UBP1: variants seen among roughly 807,000 people sequenced by gnomAD.
The protein encoded by UBP1 is upstream-binding protein 1.
Under a neutral mutation model 76.1 loss-of-function variants are expected in UBP1, and 22 were observed. The ratio of observed to expected loss-of-function variants is 0.29; its 90% confidence interval spans 0.21 to 0.41. The LOEUF is 0.41. Ranked by LOEUF, UBP1 falls within the 10% of genes least tolerant of loss-of-function variation. UBP1 has a pLI of 1.00. For missense variants in UBP1, 436 were observed against 668.1 expected, an observed-to-expected ratio of 0.65 and a Z score of 3.83; for synonymous variants, 224 against 237.1, an observed-to-expected ratio of 0.94 and a Z score of 0.51.
At chr3:33,429,908 C>A (rs1299283206) in intron 1 of UBP1, among the ~76,000 whole-genome samples, 2 of 151,900 alleles carry the variant, frequency 1.3e-5, no homozygotes, top group South Asian at 2.1e-4. Context: ...TACTGATTTT[C>A]AAAAACAGTG....
At chr3:33,415,778 A>C (rs571368803) in intron 3 of UBP1, among the ~76,000 whole-genome samples, 2 of 152,138 alleles carry the variant, frequency 1.3e-5, no homozygotes, top group East Asian at 1.9e-4. Flanking sequence ...AGAACAAAGA[A>C]AGACAAAAAC....
chr3:33,403,283 G>T (rs966921581), intron 8 of UBP1: 1 of 242,110 alleles, frequency 4.1e-6, no homozygotes, highest in Admixed American at 5.3e-5. Context: ...GACAAGAAAG[G>T]ATTTATAAGC....
rs574029826 is a variant in UBP1, at chr3:33,390,089, C to G, written c.*242G>C. ...GAGCAGCAGGCAGCTATGCCTGCACCGTGGCCTCCAGAGCTGGATGCATGC... is the reference window on the plus strand; with the variant it reads ...GAGCAGCAGGCAGCTATGCCTGCACGGTGGCCTCCAGAGCTGGATGCATGC... On this transcript the variant is annotated 3_prime_UTR_variant, in exon 16 of 16. Coordinates refer to ENST00000283629, the MANE Select transcript of UBP1 (RefSeq NM_014517.5). 175 of 471,650 alleles carry G rather than the reference C, an allele frequency of 3.7e-4. No individual in the cohort carries two copies. The highest frequency in any genetic ancestry group is 5.9e-4 in the Non-Finnish European group (156 of 263,084). 29.2% of individuals were successfully genotyped at this position (471,650 alleles called of 1,614,324 possible). A position where few individuals can be genotyped will look rare whatever the true frequency, so the allele number is the denominator to read the frequency against.
intron 1 of UBP1, among the ~76,000 whole-genome samples, chr3:33,433,349 C>G (rs2045146140): frequency 6.9e-6 from 1 of 144,056 alleles, no homozygotes. Flanking sequence ...GTGTGAGCCA[C>G]CGCGCACCCA....
Position 33,409,564 on chromosome 3 carries a change from T to C in UBP1, c.593A>G (p.His198Arg). The C allele has an allele frequency of 6.2e-7, 1 of 1,614,220 alleles. No homozygotes were observed. The highest frequency in any genetic ancestry group is 8.5e-7 in the Non-Finnish European group (1 of 1,180,038). Residue 198 changes from histidine to arginine, a missense_variant, in exon 6 of 16, where the codon CAC becomes CGC. This residue lies in a region of UBP1 where 65 missense variants were observed against 157.4 expected (regional missense o/e 0.41). Coordinates refer to ENST00000283629, the MANE Select transcript of UBP1 (RefSeq NM_014517.5). ...CISTEFTPRK[H>R]GGEKGVPFRI... ...AAAGGGCACTCCCTTTTCACCTCCG[T>C]GCTTCCGTGGAGTAAATTCTGTGCT...
chr3:33,399,021 C>T lies in UBP1; in HGVS notation c.1180+1168G>A, dbSNP rs974212037. ...ATAACTACTCATTGCACAAACATTA[C>T]AATACGTGGCATAGTAAGAAACCAT... On this transcript the variant is annotated intron_variant, in intron 11 of 15. Coordinates refer to ENST00000283629, the MANE Select transcript of UBP1 (RefSeq NM_014517.5). 2.0e-5 allele frequency among the ~76,000 whole-genome samples: 3 copies of T among 152,234 alleles called. 1 individual carries two copies. Among genetic ancestry groups the T allele is most frequent in the African/African-American group, 7.2e-5 (3 of 41,458 alleles).
intron 8 of UBP1, among the ~76,000 whole-genome samples, chr3:33,404,602 A>G (rs2044366520): frequency 6.6e-6 from 1 of 151,978 alleles, no homozygotes; most frequent in Non-Finnish European, 1.5e-5. Context: ...AGCCATGACT[A>G]CACCACTGCA....
chr3:33,393,211 A>T, intron 14 of UBP1, 101 bp downstream of exon 14: 1 of 1,210,856 alleles, frequency 8.3e-7, no homozygotes, highest in Non-Finnish European at 1.1e-6. Flanking sequence ...GATTCTCATA[A>T]GTATTTTCAA....
intron 8 of UBP1, among the ~76,000 whole-genome samples, chr3:33,405,398 T>C (rs1358395550): frequency 1.3e-5 from 2 of 152,234 alleles, no homozygotes; most frequent in African/African-American, 4.8e-5. Flanking sequence ...CAGTTTTATC[T>C]TAAATTGTAA....
At chr3:33,425,486 A>G in intron 2 of UBP1, 104 bp downstream of exon 2, 1 of 1,197,242 alleles carries the variant, frequency 8.4e-7, no homozygotes, top group East Asian at 2.7e-5. Context: ...TAAGAAAAAG[A>G]ACCTAATTTT....
intron 1 of UBP1, among the ~76,000 whole-genome samples, chr3:33,432,054 G>A (rs2045123039): frequency 1.3e-5 from 2 of 152,194 alleles, no homozygotes; most frequent in South Asian, 4.1e-4. Context: ...CTGGCTGGGT[G>A]CAGTGGCTCA....
At chr3:33,397,337 T>A (rs1316086702) in intron 11 of UBP1, 1 of 426,262 alleles carries the variant, frequency 2.3e-6, no homozygotes, top group African/African-American at 2.0e-5. Context: ...ATGTCCTGTA[T>A]CAAGAAGGAG....
At chr3:33,392,451 TTAAAA>T (rs759558349) in intron 15 of UBP1, 107 bp downstream of exon 15, 105 of 927,068 alleles carry the variant, frequency 1.1e-4, no homozygotes, top group Non-Finnish European at 1.6e-4. Flanking sequence ...AACTTTCTTC[TTAAAA>T]TGAGTAAAGC....
Position 33,402,873 on chromosome 3 carries a change from T to C in UBP1, c.959A>G (p.Tyr320Cys). Residue 320 changes from tyrosine (Y) to cysteine (C), a missense_variant, in exon 9 of 16, where the codon TAT (tyrosine) becomes TGT (cysteine). Transcript: ENST00000283629. ...CSPWPDAPTA[Y>C]VNNSPSPAPT... ...CGCTGGGGAAGGGCTGTTATTCACA[T>C]AGGCTGTGGGGGCATCGGGCCACGG... is the stretch of plus-strand genomic sequence containing the variant. 2.5e-6 allele frequency: 4 copies of C among 1,610,828 alleles called. No homozygotes were observed. The highest frequency in any genetic ancestry group is 3.4e-6 in the Non-Finnish European group (4 of 1,178,794).
At chr3:33,436,378 T>A (rs2045205134) in intron 1 of UBP1, among the ~76,000 whole-genome samples, 1 of 152,228 alleles carries the variant, frequency 6.6e-6, no homozygotes, top group African/African-American at 2.4e-5. Flanking sequence ...ACATAGGAAA[T>A]CTGTCATTAG....
At chr3:33,418,860 CAAAA>C (rs59774815) in intron 2 of UBP1, among the ~76,000 whole-genome samples, 2 of 76,766 alleles carry the variant, frequency 2.6e-5, no homozygotes, top group Non-Finnish European at 2.5e-5. Flanking sequence ...ACTCTGTCTC[CAAAA>C]AAAAAAAAAA....
At chr3:33,433,472 G>A (rs2045149676) in intron 1 of UBP1, among the ~76,000 whole-genome samples, 1 of 150,198 alleles carries the variant, frequency 6.7e-6, no homozygotes, top group Non-Finnish European at 1.5e-5. Flanking sequence ...GACCAACAAG[G>A]TGAAACCCCA....
chr3:33,393,516 TGATCTGTAG>T, intron 13 of UBP1, 62 bp from the exon 14 acceptor site: 9 of 1,525,826 alleles, frequency 5.9e-6, no homozygotes, highest in Non-Finnish European at 7.9e-6. Flanking sequence ...GTTTTCTGCC[TGATCTGTAG>T]GATCTGTACG....
intron 4 of UBP1, among the ~76,000 whole-genome samples, chr3:33,412,518 G>A (rs1308799877): frequency 2.0e-5 from 3 of 151,500 alleles, no homozygotes; most frequent in Non-Finnish European, 2.9e-5. Flanking sequence ...GGGAGGTAGA[G>A]GTTGCAGTGA....
Sources: gnomAD v4.1 joint callset for allele counts (sites outside exome capture counted in the v4.1 genomes callset) on GRCh38, gnomAD v4.1.1 for gene constraint, gnomAD v4.1.1 regional missense constraint, MANE v1.5 for transcripts, NCBI Gene and HGNC (gene_info 2026-07-23, HGNC 2026-07-21) for gene names.